Variants in MED12L observed in about 807,000 individuals in gnomAD.
MED12L encodes mediator of RNA polymerase II transcription subunit 12-like protein.
Under a neutral mutation model 281.3 loss-of-function variants are expected in MED12L, and 60 were observed. That is an observed-to-expected ratio of 0.21 (90% confidence interval 0.17 to 0.26). The LOEUF is 0.26. Among genes scored for constraint, MED12L ranks in the 10% least tolerant of loss-of-function variants. MED12L has a pLI of 1.00. For missense variants in MED12L, 2,146 were observed against 2,680.9 expected, an observed-to-expected ratio of 0.80 and a Z score of 4.41; for synonymous variants, 974 against 987.2, an observed-to-expected ratio of 0.99 and a Z score of 0.25.
At chr3:151,298,131 T>C (rs1033739154) in intron 16 of MED12L, among the ~76,000 whole-genome samples, 8 of 152,212 alleles carry the variant, frequency 5.3e-5, no homozygotes, top group Admixed American at 2.0e-4. Flanking sequence ...TCACATTCTT[T>C]TTTGCCAGCT....
At chr3:151,181,221 A>C (rs1722656912) in intron 11 of MED12L, among the ~76,000 whole-genome samples, 1 of 149,554 alleles carries the variant, frequency 6.7e-6, no homozygotes, top group African/African-American at 2.4e-5. Flanking sequence ...AAAATAATAT[A>C]TGTTCGTTTA....
intron 17 of MED12L, among the ~76,000 whole-genome samples, chr3:151,351,757 A>C (rs1372155596): frequency 1.3e-5 from 2 of 152,124 alleles, no homozygotes; most frequent in African/African-American, 2.4e-5. Flanking sequence ...GTCTTTCCAG[A>C]GCCTATGGAA....
rs137875214 is a variant in MED12L, at chr3:151,106,277, CTTTCCTTTTCCT to C, written c.100-10041_100-10030del. Among the ~76,000 whole-genome samples, 8 of 80,880 alleles carry C rather than the reference CTTTCCTTTTCCT, an allele frequency of 9.9e-5. No individual in the cohort carries two copies. In the East Asian group the frequency reaches 1.8e-3, roughly 18 times the overall value. 53.1% of individuals were successfully genotyped at this position (80,880 alleles called of 152,430 possible). ...CTTTTCCTTTTCCCTTTCCCTTTCC[CTTTCCTTTTCCT>C]TTTCCTTTTCCTTTTCCTTCTCCCC... On this transcript the variant is annotated intron_variant, in intron 2 of 44. Coordinates refer to ENST00000687756, the MANE Select transcript of MED12L (RefSeq NM_001393769.1).
intron 16 of MED12L, among the ~76,000 whole-genome samples, chr3:151,322,861 T>C (rs148748419): frequency 1.6e-3 from 249 of 152,200 alleles, no homozygotes; most frequent in African/African-American, 5.6e-3. Flanking sequence ...CATTCCTTTT[T>C]CTCTCCCTGT....
At chr3:151,381,309 A>C (rs1439126971) in intron 32 of MED12L, among the ~76,000 whole-genome samples, 2 of 152,172 alleles carry the variant, frequency 1.3e-5, no homozygotes, top group East Asian at 3.9e-4. Flanking sequence ...GGTAGGAGAG[A>C]TCTAGATATA....
rs199892582 is a variant in MED12L, at chr3:151,293,638, T to TACACAC, written c.2251-56386_2251-56381dup. On this transcript the variant is annotated intron_variant, in intron 16 of 44. Transcript: ENST00000687756. ...ACACACGGTCCTAAAATGAAGCCCT[T>TACACAC]ACACACACACACACACACACACACA... Among the ~76,000 whole-genome samples the TACACAC allele has an allele frequency of 2.8e-3, 280 of 99,722 alleles. 1 individual carries two copies. The highest frequency in any genetic ancestry group is 0.016 in the East Asian group (55 of 3,470). 65.4% of individuals were successfully genotyped at this position (99,722 alleles called of 152,430 possible). A position where few individuals can be genotyped will look rare whatever the true frequency, so the allele number is the denominator to read the frequency against.
intron 16 of MED12L, among the ~76,000 whole-genome samples, chr3:151,234,846 T>C (rs1732410348): frequency 6.6e-6 from 1 of 152,202 alleles, no homozygotes; most frequent in South Asian, 2.1e-4. Flanking sequence ...GGGGTCACCA[T>C]CACTCTCCTG....
At chr3:151,123,084 A>C in intron 4 of MED12L, 110 bp downstream of exon 4, 3 of 941,936 alleles carry the variant, frequency 3.2e-6, no homozygotes, top group Non-Finnish European at 4.6e-6. Flanking sequence ...CTGCAAGCCT[A>C]TTGGCAGGTT....
chr3:151,400,318 G>A (rs1715513923), intron 39 of MED12L, among the ~76,000 whole-genome samples: 1 of 152,132 alleles, frequency 6.6e-6, no homozygotes, highest in African/African-American at 2.4e-5. Flanking sequence ...ATTTTCAAGA[G>A]TCCAAAGAAG....
chr3:151,182,999 C>T (rs895494763), intron 11 of MED12L, among the ~76,000 whole-genome samples: 9 of 152,038 alleles, frequency 5.9e-5, no homozygotes, highest in Non-Finnish European at 1.2e-4. Context: ...ATGTTATACC[C>T]CAAGGCTTCA....
chr3:151,260,733 G>GT (rs1738713114), intron 16 of MED12L, among the ~76,000 whole-genome samples: 1 of 152,102 alleles, frequency 6.6e-6, no homozygotes, highest in Non-Finnish European at 1.5e-5. Flanking sequence ...CTTTTCTGAG[G>GT]TTTGTAGGTA....
In MED12L at chr3:151,409,243, G is replaced by A; in HGVS notation, c.5821G>A (p.Gly1941Ser). Residue 1941 changes from glycine (G) to serine (S), a missense_variant and splice_region_variant, in exon 40 of 45, where the codon GGC becomes AGC. Gly to Ser is a moderately conservative substitution (Grantham distance 56). Transcript: ENST00000687756. ...RQAQTRPFQQ[G>S]QPGDQAALFA... is the part of the protein sequence containing the mutation. ...AGTTTGCTTTGGCTTTGTTTTCCAGGGCCAGCCGGGGGACCAGGCTGCTCT... is the reference window on the plus strand; with the variant it reads ...AGTTTGCTTTGGCTTTGTTTTCCAGAGCCAGCCGGGGGACCAGGCTGCTCT... 1.3e-6 allele frequency: 2 copies of A among 1,586,988 alleles called. No homozygotes were observed. The highest frequency in any genetic ancestry group is 1.7e-6 in the Non-Finnish European group (2 of 1,171,570).
intron 11 of MED12L, among the ~76,000 whole-genome samples, chr3:151,174,744 G>T (rs184968452): frequency 6.6e-6 from 1 of 152,008 alleles, no homozygotes; most frequent in South Asian, 2.1e-4. Context: ...AAGAGACAGG[G>T]TCTTGCTCTG....
chr3:151,099,972 G>C (rs372009104), intron 2 of MED12L, among the ~76,000 whole-genome samples: 8 of 152,206 alleles, frequency 5.3e-5, no homozygotes, highest in African/African-American at 1.9e-4. Context: ...CAGTTGATAG[G>C]GATTTATGGG....
chr3:151,406,179 C>T (rs1048021583), intron 39 of MED12L, among the ~76,000 whole-genome samples: 1 of 152,176 alleles, frequency 6.6e-6, no homozygotes, highest in Non-Finnish European at 1.5e-5. Context: ...TTTAATGTGG[C>T]CAAACCCATG....
intron 16 of MED12L, among the ~76,000 whole-genome samples, chr3:151,305,721 G>A (rs1202905500): frequency 6.6e-6 from 1 of 151,886 alleles, no homozygotes; most frequent in African/African-American, 2.4e-5. Flanking sequence ...ATTCTGGGGG[G>A]TTATTTTAGA....
In MED12L at chr3:151,225,526, C is replaced by A. The variant is rs549758191; in HGVS notation, c.2250+31860C>A. On this transcript the variant is annotated intron_variant, in intron 16 of 44. Coordinates refer to ENST00000687756, the MANE Select transcript of MED12L (RefSeq NM_001393769.1). ...GAGGCCTTTGCTATCATGATCTAAT[C>A]ATCTCTCAAAGGTACCACCTCTTAA... 9.9e-5 allele frequency among the ~76,000 whole-genome samples: 15 copies of A among 152,274 alleles called. No homozygotes were observed. The Middle Eastern group carries it at 0.01, about 104-fold the overall frequency.
Position 151,430,338 on chromosome 3 carries a change from C to G in MED12L, c.6448C>G (p.Gln2150Glu), listed in dbSNP as rs1179800209. 1 of 1,613,734 alleles carries G rather than the reference C, an allele frequency of 6.2e-7. No homozygotes were observed. Among genetic ancestry groups the G allele is most frequent in the African/African-American group, 1.3e-5 (1 of 74,908 alleles). ...CTTGCAGCAGACCCAGCAGCAGCAG[C>G]AGACGGCCGCCTTGGTGCGGCAGCT... is the stretch of plus-strand genomic sequence containing the variant. ...QGLQQTQQQQQTAALVRQLQK... is the reference protein window; with the variant it reads ...QGLQQTQQQQETAALVRQLQK... Residue 2150 changes from glutamine to glutamate, a missense_variant, in exon 44 of 45, where the codon CAG becomes GAG. This residue lies in a region of MED12L where 5 missense variants were observed against 19.9 expected (regional missense o/e 0.25). Coordinates refer to ENST00000687756, the MANE Select transcript of MED12L (RefSeq NM_001393769.1).
intron 9 of MED12L, among the ~76,000 whole-genome samples, chr3:151,164,723 A>G (rs1720453910): frequency 6.6e-6 from 1 of 152,134 alleles, no homozygotes; most frequent in South Asian, 2.1e-4. Context: ...GCTGGAAACC[A>G]TCATTCTCAG....
Sources: gnomAD v4.1 joint callset for allele counts (sites outside exome capture counted in the v4.1 genomes callset) on GRCh38, gnomAD v4.1.1 for gene constraint, gnomAD v4.1.1 regional missense constraint, MANE v1.5 for transcripts, NCBI Gene and HGNC (gene_info 2026-07-23, HGNC 2026-07-21) for gene names.